The following POU2F2 variants were observed in gnomAD, a reference collection of about 807,000 sequenced individuals.
POU2F2 encodes the protein POU domain, class 2, transcription factor 2.
Under a neutral mutation model 63.5 loss-of-function variants are expected in POU2F2, and 14 were observed. The ratio of observed to expected loss-of-function variants is 0.22; its 90% confidence interval spans 0.15 to 0.34. The LOEUF is 0.34. POU2F2 is among the 10% of genes least tolerant of loss of function. POU2F2 has a pLI of 1.00. For synonymous variants in POU2F2, 306 were observed against 348.6 expected (o/e 0.88, Z 1.36); for missense variants, 607 against 815.2 (o/e 0.74, Z 3.11).
upstream of POU2F2, among the ~76,000 whole-genome samples, chr19:42,176,854 C>T (rs2034893244): frequency 6.6e-6 from 1 of 151,412 alleles, no homozygotes; most frequent in African/African-American, 2.4e-5. Flanking sequence ...GCGGCGCCCG[C>T]CCGGCTCCCG....
intron 1 of POU2F2, among the ~76,000 whole-genome samples, chr19:42,173,708 C>T (rs1284435797): frequency 6.6e-6 from 1 of 152,122 alleles, no homozygotes; most frequent in Non-Finnish European, 1.5e-5. Context: ...AGACACCTTC[C>T]ATTTTCCCTG....
At chr19:42,132,478 C>T (rs2033841362), upstream of POU2F2, 1 of 1,383,070 alleles carries the variant, frequency 7.2e-7, no homozygotes, top group Non-Finnish European at 9.5e-7. Flanking sequence ...GGGGCCGAGC[C>T]CTCCCTGCCG....
chr19:42,142,373 G>A (rs1231562040), intron 2 of POU2F2, among the ~76,000 whole-genome samples: 3 of 152,088 alleles, frequency 2.0e-5, no homozygotes, highest in African/African-American at 4.8e-5. Flanking sequence ...TGTATTTTCA[G>A]TAGAGATGGG....
intron 5 of POU2F2, among the ~76,000 whole-genome samples, chr19:42,104,064 A>G (rs1316594222): frequency 6.6e-6 from 1 of 152,238 alleles, no homozygotes; most frequent in Non-Finnish European, 1.5e-5. Context: ...AATGTGGCTG[A>G]CAGACAGGTC....
At chr19:42,104,225 T>C (rs1193885475) in intron 5 of POU2F2, among the ~76,000 whole-genome samples, 1 of 152,092 alleles carries the variant, frequency 6.6e-6, no homozygotes, top group Non-Finnish European at 1.5e-5. Context: ...TAATACCACA[T>C]TGGGGAGTGT....
chr19:42,114,339 G>A (rs564234832), intron 5 of POU2F2, among the ~76,000 whole-genome samples: 5 of 152,114 alleles, frequency 3.3e-5, no homozygotes, highest in African/African-American at 1.2e-4. Flanking sequence ...GGCACGGCTG[G>A]GGGGAGGGAA....
chr19:42,178,235 G>C (rs971129720), upstream of POU2F2, among the ~76,000 whole-genome samples: 2 of 151,674 alleles, frequency 1.3e-5, no homozygotes, highest in African/African-American at 4.9e-5. Context: ...AAGGAGAAGA[G>C]GTCCATGCAG....
intron 1 of POU2F2, among the ~76,000 whole-genome samples, chr19:42,190,327 A>G (rs1480217041): frequency 6.6e-6 from 1 of 152,076 alleles, no homozygotes; most frequent in Admixed American, 6.6e-5. Context: ...ATATATATAT[A>G]TGTTTGATAA....
intron 5 of POU2F2, chr19:42,110,701 C>A (rs1568370393): frequency 2.2e-6 from 1 of 455,888 alleles, no homozygotes; most frequent in Non-Finnish European, 4.4e-6. Context: ...CGTTCCTTAC[C>A]CTCTTTAAGC....
At chr19:42,115,040 C>T (rs1369711907) in intron 5 of POU2F2, among the ~76,000 whole-genome samples, 1 of 152,044 alleles carries the variant, frequency 6.6e-6, no homozygotes, top group Non-Finnish European at 1.5e-5. Flanking sequence ...GTCCCAACTA[C>T]TCAGGAGGCT....
In POU2F2 at chr19:42,162,469, G is replaced by A. The variant is rs1726214677; in HGVS notation, c.-69-2077C>T. ...GGACCCTGAGGAACAGAGAGGGGCAGCAGCTGGCCCACAGTTACCAGGCAC... is the reference window on the plus strand; with the variant it reads ...GGACCCTGAGGAACAGAGAGGGGCAACAGCTGGCCCACAGTTACCAGGCAC... On this transcript the variant is annotated intron_variant, in intron 1 of 6. Coordinates refer to the POU2F2 transcript ENST00000524801. The surrounding 1 kb of genome is among the most constrained non-coding windows in gnomAD (Gnocchi z 4.1). 6.6e-6 allele frequency among the ~76,000 whole-genome samples: 1 copy of A among 152,170 alleles called. No individual in the cohort carries two copies.
In POU2F2 at chr19:42,090,990, G is replaced by C. The variant is rs776280421; in HGVS notation, c.*267C>G. 3 of 262,972 alleles carry C rather than the reference G, an allele frequency of 1.1e-5. No homozygotes were observed. Among genetic ancestry groups the C allele is most frequent in the Non-Finnish European group, 2.1e-5 (3 of 142,832 alleles). The allele number at this position is 262,972 out of a possible 1,614,324, so 16.3% of individuals were successfully genotyped here. ...TGTGGGTTTTTTTTTTTTTTGGTTT[G>C]TTTTTGGTTTTTTTTTGTTTGTTTT... On this transcript the variant is annotated 3_prime_UTR_variant, in exon 15 of 15. Coordinates refer to ENST00000692977, the MANE Select transcript of POU2F2 (RefSeq NM_001394376.1). This position sits in a 1 kb window ranked among gnomAD's most constrained non-coding sequence, Gnocchi z 4.4.
At position 42,138,681 on chromosome 19, in the gene POU2F2, A is replaced by C. The variant is rs2034067186; in HGVS notation, c.-8-16105T>G. Among the ~76,000 whole-genome samples, 5 of 152,062 alleles carry C rather than the reference A, an allele frequency of 3.3e-5. No individual in the cohort carries two copies. In the South Asian group the frequency reaches 1.0e-3, roughly 32 times the overall value. ...GGAGAAAGGAGCCATGAGGATTAGGATGAGGATACATATTCAAGCTGGAGT... is the reference window on the plus strand; with the variant it reads ...GGAGAAAGGAGCCATGAGGATTAGGCTGAGGATACATATTCAAGCTGGAGT... On this transcript the variant is annotated intron_variant, in intron 2 of 6. Coordinates refer to the POU2F2 transcript ENST00000524801.
At position 42,092,344 on chromosome 19, in the gene POU2F2, C is replaced by G; in HGVS notation, c.1265-74G>C. ...CCACTGAGGAACCTGGGGTCAGCTC[C>G]TACTTGTCCTCCCGCCCAGCTCACG... On this transcript the variant is annotated intron_variant, in intron 12 of 14. Coordinates refer to ENST00000692977, the MANE Select transcript of POU2F2 (RefSeq NM_001394376.1). The surrounding 1 kb of genome is among the most constrained non-coding windows in gnomAD (Gnocchi z 5.0). 8.6e-7 allele frequency: 1 copy of G among 1,165,310 alleles called. No individual in the cohort carries two copies. Among genetic ancestry groups the G allele is most frequent in the Non-Finnish European group, 1.3e-6 (1 of 796,508 alleles). The allele number at this position is 1,165,310 out of a possible 1,614,324, so 72.2% of individuals were successfully genotyped here. A position where few individuals can be genotyped will look rare whatever the true frequency, so the allele number is the denominator to read the frequency against.
Position 42,091,930 on chromosome 19 carries a change from C to G in POU2F2, c.1477G>C (p.Val493Leu). 6.5e-7 allele frequency: 1 copy of G among 1,541,550 alleles called. No individual in the cohort carries two copies. The highest frequency in any genetic ancestry group is 8.7e-7 in the Non-Finnish European group (1 of 1,145,594). Residue 493 changes from valine to leucine, a missense_variant, in exon 14 of 15, where the codon GTG (valine) becomes CTG (leucine). By Grantham distance (32) the Val-to-Leu change is conservative (BLOSUM62 1). Around this residue, in one of 7 missense-constraint regions of POU2F2, gnomAD observed 270 missense variants for 307.5 expected, o/e 0.88. Transcript: ENST00000692977. ...GLNPSTGSTM[V>L]GLSSGLSPAL... is the part of the protein sequence containing the mutation. ...GGACTCAGCCCGGAGCTCAACCCCA[C>G]CATTGTGCTTCTGCAAGAGGCAAAG... is the stretch of plus-strand genomic sequence containing the variant.
At chr19:42,197,309 G>T (rs1208569692), upstream of POU2F2, among the ~76,000 whole-genome samples, 1 of 152,124 alleles carries the variant, frequency 6.6e-6, no homozygotes, top group Non-Finnish European at 1.5e-5. Context: ...GTGTGGCTGG[G>T]GGCTAAATAG....
intron 1 of POU2F2, among the ~76,000 whole-genome samples, chr19:42,186,363 T>G (rs1301287227): frequency 6.6e-6 from 1 of 151,674 alleles, no homozygotes; most frequent in African/African-American, 2.4e-5. Flanking sequence ...AAAAAGAATT[T>G]TAAAGGGGAA....
chr19:42,170,433 A>C (rs1358986445), intron 1 of POU2F2, among the ~76,000 whole-genome samples: 2 of 151,928 alleles, frequency 1.3e-5, no homozygotes, highest in Non-Finnish European at 1.5e-5. Context: ...AACGCCAAAA[A>C]AAAAAAAAAA....
At chr19:42,170,923 G>T (rs1337663535) in intron 1 of POU2F2, among the ~76,000 whole-genome samples, 2 of 152,238 alleles carry the variant, frequency 1.3e-5, no homozygotes, top group African/African-American at 4.8e-5. Flanking sequence ...ATCAGTTGTC[G>T]AGCCTCCCCT....
Sources: gnomAD v4.1 joint callset for allele counts (sites outside exome capture counted in the v4.1 genomes callset) on GRCh38, gnomAD v4.1.1 for gene constraint, gnomAD v4.1.1 regional missense constraint, Gnocchi (gnomAD v3.1) non-coding constraint, MANE v1.5 for transcripts, NCBI Gene and HGNC (gene_info 2026-07-23, HGNC 2026-07-21) for gene names.